Variants in SLC36A1 observed in about 807,000 individuals in gnomAD.
SLC36A1 encodes the protein solute carrier family 36 member 1.
Under a neutral mutation model 47.5 loss-of-function variants are expected in SLC36A1, and 30 were observed. That is an observed-to-expected ratio of 0.63 (90% CI 0.47 to 0.86). The LOEUF is 0.86. Ranked by LOEUF, SLC36A1 falls within the 40% of genes least tolerant of loss-of-function variation. SLC36A1 has a pLI of 0.00. For synonymous variants in SLC36A1, 255 were observed against 249.7 expected, an observed-to-expected ratio of 1.02 and a Z score of -0.20; for missense variants, 517 against 606.0, an observed-to-expected ratio of 0.85 and a Z score of 1.54.
the SLC36A1 span, chr5:151,366,778 G>T: frequency 0.14 from 21,463 of 153,038 alleles, 4,236 homozygotes; most frequent in African/African-American, 0.44. Context: ...ATGTAGGTTA[G>T]TTCTATTTTC....
chr5:151,519,905 G>A, the SLC36A1 span, among the ~76,000 whole-genome samples: 13 of 152,180 alleles, frequency 8.5e-5, no homozygotes, highest in African/African-American at 3.1e-4. Flanking sequence ...AACCTCTGGA[G>A]GTGACACCCA....
the SLC36A1 span, chr5:151,546,081 G>T: frequency 6.2e-7 from 1 of 1,614,180 alleles, no homozygotes; most frequent in Non-Finnish European, 8.5e-7. Flanking sequence ...TCATAGCAGA[G>T]ACAAGGAGGA....
chr5:151,466,911 G>A (rs1049597434), intron 5 of SLC36A1, among the ~76,000 whole-genome samples: 2 of 152,120 alleles, frequency 1.3e-5, no homozygotes, highest in African/African-American at 2.4e-5. Flanking sequence ...ACCTAGCATG[G>A]TTTCTTCTCC....
chr5:151,526,252 G>A, the SLC36A1 span, among the ~76,000 whole-genome samples: 1 of 152,222 alleles, frequency 6.6e-6, no homozygotes, highest in Admixed American at 6.5e-5. Flanking sequence ...TTATTCTGTA[G>A]AGAGATGACT....
upstream of SLC36A1, among the ~76,000 whole-genome samples, chr5:151,444,476 A>T (rs1362354137): frequency 2.6e-5 from 4 of 152,134 alleles, no homozygotes; most frequent in Non-Finnish European, 4.4e-5. Flanking sequence ...TTATTTGTGT[A>T]TAAAAATATT....
At chr5:151,403,337 G>C in the SLC36A1 span, among the ~76,000 whole-genome samples, 1 of 152,178 alleles carries the variant, frequency 6.6e-6, no homozygotes, top group African/African-American at 2.4e-5. Flanking sequence ...TTGAATGTGG[G>C]GCCTGGTGGG....
At chr5:151,429,750 T>G in the SLC36A1 span, among the ~76,000 whole-genome samples, 1 of 152,150 alleles carries the variant, frequency 6.6e-6, no homozygotes, top group African/African-American at 2.4e-5. Context: ...TTAGAAGCCA[T>G]TTAGCTCAAC....
At chr5:151,347,612 C>T in the SLC36A1 span, 4 of 817,092 alleles carry the variant, frequency 4.9e-6, no homozygotes, top group African/African-American at 5.1e-5. Context: ...CCGCCCACCT[C>T]CCTGGAGGGC....
the SLC36A1 span, among the ~76,000 whole-genome samples, chr5:151,421,094 C>G: frequency 6.6e-6 from 1 of 151,664 alleles, no homozygotes; most frequent in African/African-American, 2.4e-5. Context: ...AGGATGGTCT[C>G]GATCTCCTGA....
At chr5:151,506,229 TTG>T in the SLC36A1 span, 1 of 907,672 alleles carries the variant, frequency 1.1e-6, no homozygotes, top group Non-Finnish European at 1.5e-6. Context: ...TCTGTGCAGG[TTG>T]TCTCTGTTGG....
the SLC36A1 span, among the ~76,000 whole-genome samples, chr5:151,506,630 G>A: frequency 7.2e-5 from 11 of 152,186 alleles, no homozygotes; most frequent in Non-Finnish European, 1.0e-4. Flanking sequence ...CTCGGTTTCC[G>A]TATTTGACAC....
chr5:151,478,151 T>A (rs1758325874), intron 9 of SLC36A1, among the ~76,000 whole-genome samples: 1 of 152,192 alleles, frequency 6.6e-6, no homozygotes, highest in South Asian at 2.1e-4. Flanking sequence ...TAAGAACATC[T>A]TCTAGATTTT....
At chr5:151,502,424 T>C in the SLC36A1 span, among the ~76,000 whole-genome samples, 1 of 147,896 alleles carries the variant, frequency 6.8e-6, no homozygotes. Context: ...TTTTCTAAAA[T>C]ATACAAAGAA....
the SLC36A1 span, among the ~76,000 whole-genome samples, chr5:151,346,249 A>G: frequency 1.3e-5 from 2 of 152,194 alleles, no homozygotes; most frequent in Non-Finnish European, 2.9e-5. Context: ...GCACACTCTC[A>G]GGGTCACTAA....
At chr5:151,552,502 TAACCTGGA>T in the SLC36A1 span, among the ~76,000 whole-genome samples, 1 of 152,216 alleles carries the variant, frequency 6.6e-6, no homozygotes, top group Non-Finnish European at 1.5e-5. Flanking sequence ...TAGAGATTTT[TAACCTGGA>T]ATCCCTGGAT....
downstream of SLC36A1, among the ~76,000 whole-genome samples, chr5:151,494,370 C>A (rs535292115): frequency 7.2e-5 from 11 of 152,264 alleles, no homozygotes; most frequent in Non-Finnish European, 1.6e-4. Flanking sequence ...ATGTGTTTTG[C>A]ATACAGTCAT....
intron 1 of SLC36A1, chr5:151,450,784 C>G (rs1163922432): frequency 6.6e-6 from 1 of 152,272 alleles, no homozygotes; most frequent in Non-Finnish European, 1.5e-5. Context: ...AGTGAATAGT[C>G]TTCTGTTTCT....
the SLC36A1 span, among the ~76,000 whole-genome samples, chr5:151,384,991 T>TGG: frequency 8.6e-3 from 1,194 of 138,630 alleles, 15 homozygotes; most frequent in African/African-American, 0.035. Flanking sequence ...TGTGTGGGTG[T>TGG]GTGAGAGAGA....
At chr5:151,493,989 C>T (rs562903281), downstream of SLC36A1, among the ~76,000 whole-genome samples, 2 of 152,186 alleles carry the variant, frequency 1.3e-5, no homozygotes, top group African/African-American at 4.8e-5. Flanking sequence ...CTCACTTCCT[C>T]TGTGGAGGCC....
Sources: gnomAD v4.1 joint callset for allele counts (sites outside exome capture counted in the v4.1 genomes callset) on GRCh38, gnomAD v4.1.1 for gene constraint, MANE v1.5 for transcripts, NCBI Gene and HGNC (gene_info 2026-07-23, HGNC 2026-07-21) for gene names.